Variants in TCHP observed in about 807,000 individuals in gnomAD.
The protein encoded by TCHP is trichoplein keratin filament binding.
Under a neutral mutation model 88.7 loss-of-function variants are expected in TCHP, and 81 were observed. The observed-to-expected ratio is 0.91, with a 90% CI of 0.76 to 1.10. The LOEUF (loss-of-function observed/expected upper bound fraction) is 1.10, where lower values mean the gene tolerates loss of function less well. Among genes scored for constraint, TCHP ranks in the 50% least tolerant of loss-of-function variants. TCHP has a pLI of 0.00. For synonymous variants in TCHP, 232 were observed against 232.5 expected (o/e 1.00, Z 0.02); for missense variants, 641 against 632.1 (o/e 1.01, Z -0.15).
chr12:109,895,616 C>G (rs1565905510), upstream of TCHP, among the ~76,000 whole-genome samples: 1 of 152,150 alleles, frequency 6.6e-6, no homozygotes, highest in East Asian at 1.9e-4. Context: ...GCGGTCTTGT[C>G]TTCAGGTGGG....
chr12:109,887,570 T>G, the TCHP span, among the ~76,000 whole-genome samples: 1 of 152,160 alleles, frequency 6.6e-6, no homozygotes, highest in Admixed American at 6.6e-5. Context: ...TTTCCTCATT[T>G]GATCAATCCC....
intron 9 of TCHP, among the ~76,000 whole-genome samples, chr12:109,912,435 C>T (rs772357226): frequency 7.2e-5 from 11 of 152,152 alleles, no homozygotes; most frequent in Non-Finnish European, 8.8e-5. Flanking sequence ...TAAACAGCCA[C>T]GGTGTAAGTC....
intron 12 of TCHP, among the ~76,000 whole-genome samples, chr12:109,916,143 G>GGGCCACCCT (rs1870806609): frequency 6.6e-6 from 1 of 152,160 alleles, no homozygotes; most frequent in Admixed American, 6.5e-5. Context: ...CCTTTACCTA[G>GGGCCACCCT]GGCCACCCTG....
chr12:109,912,817 A>G (rs1228099098), intron 9 of TCHP, among the ~76,000 whole-genome samples, 174 bp from the exon 10 acceptor site: 2 of 152,178 alleles, frequency 1.3e-5, no homozygotes, highest in Non-Finnish European at 2.9e-5. Flanking sequence ...AAAACTTCCA[A>G]CAGTACTTTC....
chr12:109,916,720 C>A lies in TCHP; in HGVS notation c.*97C>A. 8.3e-7 allele frequency: 1 copy of A among 1,207,882 alleles called. No homozygotes were observed. Among genetic ancestry groups the A allele is most frequent in the Non-Finnish European group, 1.2e-6 (1 of 844,816 alleles). The allele number at this position is 1,207,882 out of a possible 1,614,324, so 74.8% of individuals were successfully genotyped here. A position where few individuals can be genotyped will look rare whatever the true frequency, so the allele number is the denominator to read the frequency against. On this transcript the variant is annotated 3_prime_UTR_variant, in exon 13 of 13. Transcript: ENST00000405876. Reference sequence around the variant, plus strand: ...CAGGGCTCTGTTAACAGTAAGTGCCCGGGGCACTGTCAGATGGCTCAGCAG... The same window carrying A: ...CAGGGCTCTGTTAACAGTAAGTGCCAGGGGCACTGTCAGATGGCTCAGCAG...
At chr12:109,912,777 C>T (rs57670972) in intron 9 of TCHP, among the ~76,000 whole-genome samples, 4,037 of 152,196 alleles carry the variant, frequency 0.027, 125 homozygotes, top group African/African-American at 0.07. Flanking sequence ...GGCAACAGAG[C>T]GAGACCCATC....
rs779267422 is a variant in TCHP at position 109,916,671 on chromosome 12, G to A, written c.*48G>A. 2.6e-5 allele frequency: 42 copies of A among 1,592,998 alleles called. No homozygotes were observed. The highest frequency in any genetic ancestry group is 4.5e-5 in the South Asian group (4 of 88,168). On this transcript the variant is annotated 3_prime_UTR_variant, in exon 13 of 13. Coordinates refer to ENST00000405876, the MANE Select transcript of TCHP (RefSeq NM_001143852.2). ...GAGAACAAGGGATGCTGAGGCTTCT[G>A]ATCCCAGCCGCCAGGCAGTTTTACA...
At chr12:109,902,238 A>C (rs1333490067) in intron 1 of TCHP, among the ~76,000 whole-genome samples, 1 of 151,854 alleles carries the variant, frequency 6.6e-6, no homozygotes, top group East Asian at 1.9e-4. Flanking sequence ...TGGCGCTATC[A>C]TGGCTCGCTA....
At position 109,905,715 on chromosome 12, in the gene TCHP, T is replaced by C. The variant is rs1870088234; in HGVS notation, c.457-857T>C. On this transcript the variant is annotated intron_variant, in intron 4 of 12. Transcript: ENST00000405876. This position sits in a 1 kb window ranked among gnomAD's most constrained non-coding sequence, Gnocchi z 4.0. Reference sequence around the variant, plus strand: ...TCGCCAGGCACTAAATAATGGAACATCTGGTGCTTTTGTGCAGTTTGCACT... The same window carrying C: ...TCGCCAGGCACTAAATAATGGAACACCTGGTGCTTTTGTGCAGTTTGCACT... Among the ~76,000 whole-genome samples the C allele has an allele frequency of 6.6e-6, 1 of 152,218 alleles. No individual in the cohort carries two copies. The highest frequency in any genetic ancestry group is 2.4e-5 in the African/African-American group (1 of 41,446).
intron 11 of TCHP, chr12:109,915,187 C>T: frequency 1.6e-6 from 1 of 639,354 alleles, no homozygotes; most frequent in African/African-American, 1.8e-5. Context: ...AGGTAAGCGC[C>T]ACGCATACAG....
intron 9 of TCHP, among the ~76,000 whole-genome samples, chr12:109,911,760 C>T (rs976253626): frequency 6.6e-6 from 1 of 151,492 alleles, no homozygotes; most frequent in African/African-American, 2.4e-5. Flanking sequence ...TTTAGAGTAA[C>T]GATGTGTTCA....
rs139102098 is a variant in TCHP, at chr12:109,904,778, C to T, written c.441C>T (p.Asn147=). ...QLLYEHWKKN[N]PKLREMELDL... ...TGTACGAACACTGGAAAAAGAACAA[C>T]CCGAAACTTCGAGAGGTGAAAATCA... The change falls in exon 4 of 13, where the codon AAC becomes AAT. Residue 147 remains asparagine (N), a synonymous_variant. Coordinates refer to ENST00000405876, the MANE Select transcript of TCHP (RefSeq NM_001143852.2). 1.2e-6 allele frequency: 2 copies of T among 1,613,396 alleles called. No homozygotes were observed. Among genetic ancestry groups the T allele is most frequent in the African/African-American group, 1.3e-5 (1 of 74,888 alleles).
intron 1 of TCHP, among the ~76,000 whole-genome samples, chr12:109,901,210 G>A (rs1869770656): frequency 4.0e-5 from 6 of 149,568 alleles, no homozygotes; most frequent in Middle Eastern, 3.4e-3. Flanking sequence ...CATGAATTAG[G>A]AACCCAGCTT....
At chr12:109,896,029 C>T (rs1450723149), upstream of TCHP, among the ~76,000 whole-genome samples, 1 of 152,166 alleles carries the variant, frequency 6.6e-6, no homozygotes, top group Non-Finnish European at 1.5e-5. Flanking sequence ...TCACTGCAAC[C>T]TCTACCTCCC....
chr12:109,911,598 C>A (rs1388937707), intron 9 of TCHP, among the ~76,000 whole-genome samples: 4 of 125,566 alleles, frequency 3.2e-5, no homozygotes, highest in Non-Finnish European at 4.8e-5. Context: ...GGTGACAGAA[C>A]GAGACTCTGT....
At chr12:109,907,831 T>A (rs1592909565) in intron 6 of TCHP, 132 bp downstream of exon 6, 1 of 999,270 alleles carries the variant, frequency 1.0e-6, no homozygotes, top group African/African-American at 1.6e-5. Context: ...AGCAGCCGGG[T>A]TCTCCCTCTC....
chr12:109,901,569 G>C (rs963171420), intron 1 of TCHP, among the ~76,000 whole-genome samples: 1 of 152,164 alleles, frequency 6.6e-6, no homozygotes, highest in African/African-American at 2.4e-5. Flanking sequence ...AAGTTCCCAG[G>C]ATTTTGCTCA....
the TCHP span, among the ~76,000 whole-genome samples, chr12:109,881,539 C>T: frequency 6.6e-6 from 1 of 152,238 alleles, no homozygotes; most frequent in South Asian, 2.1e-4. Context: ...GCTCTTGAGC[C>T]TCTACGCTCA....
At chr12:109,886,103 A>G in the TCHP span, among the ~76,000 whole-genome samples, 1 of 151,946 alleles carries the variant, frequency 6.6e-6, no homozygotes, top group East Asian at 1.9e-4. Context: ...ATCAGTGGGG[A>G]CTTGTGATTC....
Sources: gnomAD v4.1 joint callset for allele counts (sites outside exome capture counted in the v4.1 genomes callset) on GRCh38, gnomAD v4.1.1 for gene constraint, Gnocchi (gnomAD v3.1) non-coding constraint, MANE v1.5 for transcripts, NCBI Gene and HGNC (gene_info 2026-07-23, HGNC 2026-07-21) for gene names.